ARHGAP22: variants seen among roughly 807,000 people sequenced by gnomAD.
The protein encoded by ARHGAP22 is rho GTPase-activating protein 22.
ARHGAP22 carries 48 observed loss-of-function variants against 59.1 expected under a neutral mutation model. The ratio of observed to expected loss-of-function variants is 0.81; its 90% CI spans 0.64 to 1.03. ARHGAP22 has a LOEUF of 1.03. Ranked by LOEUF, ARHGAP22 falls within the 50% of genes least tolerant of loss-of-function variation. The pLI is 0.00. For synonymous variants in ARHGAP22, 445 were observed against 416.4 expected, an observed-to-expected ratio of 1.07 and a Z score of -0.84; for missense variants, 1,015 against 958.7, an observed-to-expected ratio of 1.06 and a Z score of -0.78.
chr10:48,653,230 C>A (rs1173787660), upstream of ARHGAP22, among the ~76,000 whole-genome samples: 1 of 152,230 alleles, frequency 6.6e-6, no homozygotes, highest in Admixed American at 6.5e-5. Flanking sequence ...TGACCTGAAA[C>A]ACCTTTCAAT....
intron 5 of ARHGAP22, among the ~76,000 whole-genome samples, chr10:48,458,485 A>G (rs922895408): frequency 3.9e-5 from 6 of 152,082 alleles, no homozygotes; most frequent in Non-Finnish European, 7.4e-5. Context: ...AGTGTGGGTG[A>G]GGCGCAGACG....
chr10:48,556,747 G>A (rs2057333701), intron 2 of ARHGAP22: 1 of 152,184 alleles, frequency 6.6e-6, no homozygotes, highest in African/African-American at 2.4e-5. Context: ...GTAAGTGTTT[G>A]CTAAATAAAT....
At chr10:48,526,191 C>A (rs995470155) in intron 3 of ARHGAP22, among the ~76,000 whole-genome samples, 9 of 152,136 alleles carry the variant, frequency 5.9e-5, no homozygotes, top group Admixed American at 2.0e-4. Flanking sequence ...AAAGCAGAGG[C>A]TGCCCAAGGC....
chr10:48,453,791 G>A (rs1337491995), intron 7 of ARHGAP22, among the ~76,000 whole-genome samples: 1 of 152,234 alleles, frequency 6.6e-6, no homozygotes, highest in African/African-American at 2.4e-5. Flanking sequence ...TCAAGGGGCA[G>A]ATGCCGGGGG....
chr10:48,503,337 T>A (rs1483384063), intron 3 of ARHGAP22, among the ~76,000 whole-genome samples: 5 of 152,210 alleles, frequency 3.3e-5, no homozygotes, highest in Non-Finnish European at 5.9e-5. Flanking sequence ...CTCAACTCAT[T>A]ATTCTAAGGA....
intron 3 of ARHGAP22, among the ~76,000 whole-genome samples, chr10:48,513,335 A>G (rs2052977636): frequency 2.0e-5 from 3 of 152,236 alleles, no homozygotes; most frequent in African/African-American, 7.2e-5. Flanking sequence ...GAGCAGCGCT[A>G]TGCCATTGTG....
chr10:48,446,578 C>T lies in ARHGAP22; in HGVS notation c.1910G>A (p.Arg637Gln), dbSNP rs375336457. The T allele has an allele frequency of 3.2e-5, 52 of 1,614,172 alleles. No individual in the cohort carries two copies. The highest frequency in any genetic ancestry group is 2.9e-4 in the South Asian group (26 of 91,088). Residue 637 changes from arginine (R) to glutamine (Q), a missense_variant, in exon 10 of 10, where the codon CGG becomes CAG. Coordinates refer to ENST00000249601, the MANE Select transcript of ARHGAP22 (RefSeq NM_021226.4). ...TTCCTGGTCCAGTTCTTCTTCTAAC[C>T]GGGACATTCGTTTTCTCAGGTCAGC... ...GSADLRKRMS[R>Q]LEEELDQEKK...
At chr10:48,458,191 G>A (rs774616868) in intron 5 of ARHGAP22, among the ~76,000 whole-genome samples, 1 of 152,170 alleles carries the variant, frequency 6.6e-6, no homozygotes, top group Non-Finnish European at 1.5e-5. Context: ...CCACCATGGA[G>A]ATGGCCCTCC....
At chr10:48,494,149 C>T (rs1466508765) in intron 3 of ARHGAP22, among the ~76,000 whole-genome samples, 2 of 148,190 alleles carry the variant, frequency 1.3e-5, no homozygotes, top group Non-Finnish European at 3.0e-5. Context: ...CCTCCGTATC[C>T]TCTAAGGTAG....
At chr10:48,605,445 C>T (rs2060635408), upstream of ARHGAP22, among the ~76,000 whole-genome samples, 1 of 151,812 alleles carries the variant, frequency 6.6e-6, no homozygotes, top group Admixed American at 6.6e-5. Context: ...ATGTAAACTC[C>T]TCAGGAGACT....
chr10:48,528,710 A>G (rs933873701), intron 3 of ARHGAP22, among the ~76,000 whole-genome samples: 5 of 152,122 alleles, frequency 3.3e-5, no homozygotes, highest in Non-Finnish European at 7.4e-5. Context: ...CTGATTCTTT[A>G]TGAATGGCCT....
At chr10:48,649,876 G>A (rs181099402) in intron 1 of ARHGAP22, among the ~76,000 whole-genome samples, 1 of 152,274 alleles carries the variant, frequency 6.6e-6, no homozygotes, top group East Asian at 1.9e-4. Context: ...ATGAAGCATA[G>A]CAGTACAATT....
At chr10:48,623,762 C>G (rs2061358331) in intron 1 of ARHGAP22, among the ~76,000 whole-genome samples, 1 of 152,198 alleles carries the variant, frequency 6.6e-6, no homozygotes, top group Non-Finnish European at 1.5e-5. Context: ...ATGGAAGCTG[C>G]TGCAGTGAGA....
At position 48,621,550 on chromosome 10, in the gene ARHGAP22, C is replaced by T. The variant is rs141706979; in HGVS notation, c.52+30684G>A. On this transcript the variant is annotated intron_variant, in intron 1 of 9. Transcript: ENST00000435790. ...AGTATAAATCACACTATTGTTTATCCTAGTATCCTCCATCTAAAATCTATT... is the reference window on the plus strand; with the variant it reads ...AGTATAAATCACACTATTGTTTATCTTAGTATCCTCCATCTAAAATCTATT... 6.6e-5 allele frequency among the ~76,000 whole-genome samples: 10 copies of T among 152,256 alleles called. 1 individual carries two copies. Among genetic ancestry groups the T allele is most frequent in the African/African-American group, 1.7e-4 (7 of 41,534 alleles).
At chr10:48,624,562 C>T (rs1325408513) in intron 1 of ARHGAP22, 1 of 152,244 alleles carries the variant, frequency 6.6e-6, no homozygotes, top group East Asian at 1.9e-4. Context: ...AGCTCCATCC[C>T]AATGTTTTGC....
chr10:48,652,278 GGCAGCATAAT>G, exon 1 of ARHGAP22: 1 of 1,535,624 alleles, frequency 6.5e-7, no homozygotes, highest in South Asian at 1.2e-5. Flanking sequence ...GGAAGCTGTC[GGCAGCATAAT>G]GAAGCTGGCA....
chr10:48,585,989 G>T (rs989431153), intron 1 of ARHGAP22, among the ~76,000 whole-genome samples: 3 of 152,080 alleles, frequency 2.0e-5, no homozygotes, highest in African/African-American at 7.2e-5. Context: ...CTGAAACTGG[G>T]CTTGAGCTTC....
intron 1 of ARHGAP22, among the ~76,000 whole-genome samples, chr10:48,599,779 G>A (rs746698024): frequency 1.8e-4 from 27 of 152,172 alleles, no homozygotes; most frequent in Non-Finnish European, 3.2e-4. Context: ...ACAAATCTGG[G>A]ACAGGCCAGC....
In ARHGAP22 at chr10:48,451,037, C is replaced by T. The variant is rs1263218028; in HGVS notation, c.1092G>A (p.Leu364=). 2 of 1,553,054 alleles carry T rather than the reference C, an allele frequency of 1.3e-6. No homozygotes were observed. Among genetic ancestry groups the T allele is most frequent in the Non-Finnish European group, 1.7e-6 (2 of 1,148,414 alleles). ...PEGPTSPRGG[L]QCAVGWGSEE... ...CGGAGCCCCACCCCACTGCGCATTG[C>T]AGGCCCCCGCGCGGGGAGGTGGGCC... The change falls in exon 9 of 10, where the codon CTG becomes CTA. Residue 364 remains leucine, a synonymous_variant. Coordinates refer to ENST00000249601, the MANE Select transcript of ARHGAP22 (RefSeq NM_021226.4).
Sources: gnomAD v4.1 joint callset for allele counts (sites outside exome capture counted in the v4.1 genomes callset) on GRCh38, gnomAD v4.1.1 for gene constraint, MANE v1.5 for transcripts, NCBI Gene and HGNC (gene_info 2026-07-23, HGNC 2026-07-21) for gene names.